Variants in ADAMTS17 observed in about 807,000 individuals in gnomAD.
ADAMTS17 encodes the protein ADAM metallopeptidase with thrombospondin type 1 motif 17, also known as A disintegrin and metalloproteinase with thrombospondin motifs 17.
A neutral mutation model predicts 141.5 loss-of-function variants in ADAMTS17; 113 were observed. The ratio of observed to expected loss-of-function variants is 0.80; its 90% CI spans 0.69 to 0.93. The LOEUF is 0.93. Ranked by LOEUF, ADAMTS17 falls within the 40% of genes least tolerant of loss-of-function variation. The probability of loss-of-function intolerance (pLI) is 0.00; values close to 1 mark genes in which losing one functional copy is unlikely to be tolerated. For missense variants in ADAMTS17, 1,659 were observed against 1,517.9 expected, an observed-to-expected ratio of 1.09 and a Z score of -1.54; for synonymous variants, 768 against 630.6, an observed-to-expected ratio of 1.22 and a Z score of -3.27.
At chr15:100,263,098 A>T (rs769458460) in intron 4 of ADAMTS17, among the ~76,000 whole-genome samples, 4 of 152,204 alleles carry the variant, frequency 2.6e-5, no homozygotes, top group Non-Finnish European at 5.9e-5. Context: ...TGGTTTTGAA[A>T]AAAAGAAGGG....
At chr15:100,067,099 T>C (rs1004687462) in intron 15 of ADAMTS17, among the ~76,000 whole-genome samples, 27 of 152,230 alleles carry the variant, frequency 1.8e-4, no homozygotes, top group African/African-American at 6.5e-4. Context: ...TCTTCCCTTA[T>C]GATATTGAGA....
At chr15:100,040,689 A>C (rs1267976579) in intron 18 of ADAMTS17, among the ~76,000 whole-genome samples, 1 of 152,046 alleles carries the variant, frequency 6.6e-6, no homozygotes, top group African/African-American at 2.4e-5. Context: ...CAAAAAAAAA[A>C]AAAAACCTCT....
chr15:100,146,126 T>A lies in ADAMTS17; in HGVS notation c.1473+6486A>T, dbSNP rs543734626. On this transcript the variant is annotated intron_variant, in intron 10 of 21. Transcript: ENST00000268070. The stretch of plus-strand genomic sequence containing the variant: ...AGGTGGAGGTTGCACTGAGCTGAGA[T>A]CGAGCTACTGCACTGCAGCCTGGGC... Among the ~76,000 whole-genome samples, 14 of 152,290 alleles carry A rather than the reference T, an allele frequency of 9.2e-5. No homozygotes were observed. In the South Asian group the frequency reaches 2.7e-3, roughly 29 times the overall value.
chr15:100,339,516 C>CAGT lies in ADAMTS17; in HGVS notation c.450+1520_450+1522dup, dbSNP rs2046300826. On this transcript the variant is annotated intron_variant, in intron 2 of 21. Coordinates refer to ENST00000268070, the MANE Select transcript of ADAMTS17 (RefSeq NM_139057.4). The stretch of plus-strand genomic sequence containing the variant: ...TGATACAGCCTTGACCCGAGCCCTA[C>CAGT]AGTGATCTGAGCCTTTCTCACTCCT... Among the ~76,000 whole-genome samples, 3 of 152,284 alleles carry CAGT rather than the reference C, an allele frequency of 2.0e-5. No homozygotes were observed. In the South Asian group the frequency reaches 6.2e-4, roughly 32 times the overall value.
chr15:100,046,614 CAAAT>C (rs1433825935), intron 18 of ADAMTS17, among the ~76,000 whole-genome samples: 2 of 152,158 alleles, frequency 1.3e-5, no homozygotes, highest in African/African-American at 2.4e-5. Flanking sequence ...ATTAGTTCCC[CAAAT>C]AAATACTTTT....
intron 5 of ADAMTS17, 130 bp from the exon 6 acceptor site, chr15:100,261,766 C>A: frequency 9.8e-7 from 1 of 1,018,024 alleles, no homozygotes; most frequent in Non-Finnish European, 1.5e-6. Context: ...TCACGGCCCT[C>A]GAAGAAAAGC....
chr15:100,224,674 C>CT (rs2042242240), intron 7 of ADAMTS17, among the ~76,000 whole-genome samples: 1 of 152,202 alleles, frequency 6.6e-6, no homozygotes, highest in African/African-American at 2.4e-5. Context: ...CTGTAACCTT[C>CT]TCCTAGGATT....
At position 100,199,342 on chromosome 15, in the gene ADAMTS17, G is replaced by A; in HGVS notation, c.1157C>T (p.Thr386Ile). Reference sequence around the variant, plus strand: ...CTTGTGGCCCAGCTCATGGGCGATGGTAAAGGCCAAATTGAGACCATTGTC... The same window carrying A: ...CTTGTGGCCCAGCTCATGGGCGATGATAAAGGCCAAATTGAGACCATTGTC... ...AEDNGLNLAF[T>I]IAHELGHNLG... is the part of the protein sequence containing the mutation. Residue 386 changes from threonine to isoleucine, a missense_variant, in exon 8 of 22, where the codon ACC becomes ATC. Thr to Ile is a moderately conservative substitution (Grantham distance 89). Transcript: ENST00000268070. 6.2e-7 allele frequency: 1 copy of A among 1,614,194 alleles called. No homozygotes were observed. Among genetic ancestry groups the A allele is most frequent in the South Asian group, 1.1e-5 (1 of 91,084 alleles).
At chr15:100,089,279 T>C (rs9673057) in intron 15 of ADAMTS17, among the ~76,000 whole-genome samples, 2,737 of 107,166 alleles carry the variant, frequency 0.026, 156 homozygotes, top group African/African-American at 0.094. Context: ...ATCAAAACCA[T>C]AATGAGATAC....
intron 18 of ADAMTS17, among the ~76,000 whole-genome samples, chr15:100,023,563 T>C (rs2061445601): frequency 6.6e-6 from 1 of 152,056 alleles, no homozygotes; most frequent in African/African-American, 2.4e-5. Flanking sequence ...GAAATAACTG[T>C]ATTTGGGGCC....
chr15:100,103,902 T>C (rs898176684), intron 14 of ADAMTS17, among the ~76,000 whole-genome samples: 10 of 152,164 alleles, frequency 6.6e-5, no homozygotes, highest in African/African-American at 2.4e-4. Context: ...ATCAAAGGCT[T>C]TCCTCTGGGC....
intron 14 of ADAMTS17, among the ~76,000 whole-genome samples, chr15:100,097,790 G>A (rs2035853019): frequency 2.0e-5 from 3 of 152,238 alleles, no homozygotes; most frequent in African/African-American, 7.2e-5. Context: ...CATGCGATGA[G>A]AACCGCTGCA....
At chr15:100,164,262 T>C (rs1296641183) in intron 8 of ADAMTS17, among the ~76,000 whole-genome samples, 1 of 152,206 alleles carries the variant, frequency 6.6e-6, no homozygotes, top group African/African-American at 2.4e-5. Flanking sequence ...CCTTCCCATC[T>C]AGAAGCATCC....
rs531311222 is a variant in ADAMTS17, at chr15:100,187,643, CAG to C, written c.1181+11673_1181+11674del. Among the ~76,000 whole-genome samples, 90 of 152,266 alleles carry C rather than the reference CAG, an allele frequency of 5.9e-4. No individual in the cohort carries two copies. The South Asian group carries it at 7.3e-3, about 12-fold the overall frequency. On this transcript the variant is annotated intron_variant, in intron 8 of 21. Transcript: ENST00000268070. ...GGTAATAATATAACAAATGTGGAAA[CAG>C]AAAATGATGCTTTTCATACCTGACT... is the stretch of plus-strand genomic sequence containing the variant.
chr15:100,025,875 T>C (rs76379960), intron 18 of ADAMTS17, among the ~76,000 whole-genome samples: 6,804 of 152,262 alleles, frequency 0.045, 320 homozygotes, highest in African/African-American at 0.12. Context: ...ATTTATTTTT[T>C]GGTATCTATA....
intron 7 of ADAMTS17, among the ~76,000 whole-genome samples, chr15:100,201,767 C>A (rs1461894924): frequency 1.3e-5 from 2 of 151,948 alleles, no homozygotes; most frequent in African/African-American, 4.8e-5. Flanking sequence ...TTAAAAAAAA[C>A]AACACGACAA....
At chr15:100,137,117 C>T (rs1056332229) in intron 10 of ADAMTS17, among the ~76,000 whole-genome samples, 15 of 152,154 alleles carry the variant, frequency 9.9e-5, no homozygotes, top group African/African-American at 2.7e-4. Context: ...ACAGGACGAC[C>T]CTTGGCCAAC....
intron 20 of ADAMTS17, 119 bp from the exon 21 acceptor site, chr15:99,976,341 G>C: frequency 6.1e-6 from 8 of 1,313,466 alleles, no homozygotes; most frequent in Non-Finnish European, 8.4e-6. Context: ...ACGAGGTCAG[G>C]GGGCTGGGAT....
At chr15:100,309,717 C>T (rs145402538) in intron 3 of ADAMTS17, among the ~76,000 whole-genome samples, 197 of 152,334 alleles carry the variant, frequency 1.3e-3, no homozygotes, top group African/African-American at 4.5e-3. Context: ...ATCTTGCTTC[C>T]CCAGGGAGCA....
Sources: gnomAD v4.1 joint callset for allele counts (sites outside exome capture counted in the v4.1 genomes callset) on GRCh38, gnomAD v4.1.1 for gene constraint, MANE v1.5 for transcripts, NCBI Gene and HGNC (gene_info 2026-07-23, HGNC 2026-07-21) for gene names.